RALGAPA1: variants seen among roughly 807,000 people sequenced by gnomAD.
RALGAPA1 encodes the protein ral GTPase-activating protein subunit alpha-1.
In RALGAPA1, 52 loss-of-function variants were observed where a neutral mutation model predicts 269.6. The observed-to-expected ratio is 0.19, with a 90% confidence interval of 0.15 to 0.24. The LOEUF is 0.24. Ranked by LOEUF, RALGAPA1 falls within the 10% of genes least tolerant of loss-of-function variation. RALGAPA1 has a pLI of 1.00. For synonymous variants in RALGAPA1, 817 were observed against 1,008.3 expected (o/e 0.81, Z 3.60); for missense variants, 1,917 against 3,013.9 (o/e 0.64, Z 8.52).
chr14:35,775,711 GA>G lies in RALGAPA1; in HGVS notation c.140del (p.Phe47SerfsTer17). Reference protein sequence around the residue: ...NAESIDLKQFFDQHFSHIYYV... With the variant: ...NAESIDLKQFXDQHFSHIYYV... ...AGTATATATGTGAAAAATGTTGGTC[GA>G]AAAACTGTTTAAGATCAATAGATTC... On this transcript the variant is annotated frameshift_variant, in exon 2 of 42. Coordinates refer to ENST00000680220, the MANE Select transcript of RALGAPA1 (RefSeq NM_001346249.2). LOFTEE classifies it high-confidence loss of function. The G allele has an allele frequency of 6.4e-7, 1 of 1,566,214 alleles. No individual in the cohort carries two copies. The highest frequency in any genetic ancestry group is 2.0e-5 in the Admixed American group (1 of 51,036).
At chr14:35,699,911 A>C (rs981661975) in intron 17 of RALGAPA1, among the ~76,000 whole-genome samples, 2 of 151,852 alleles carry the variant, frequency 1.3e-5, no homozygotes, top group Non-Finnish European at 1.5e-5. Flanking sequence ...AAAAAAAAAA[A>C]AAATTGGCCA....
At chr14:35,661,348 T>C (rs1394865789) in intron 27 of RALGAPA1, among the ~76,000 whole-genome samples, 1 of 152,140 alleles carries the variant, frequency 6.6e-6, no homozygotes, top group Non-Finnish European at 1.5e-5. Flanking sequence ...AAAATATTAG[T>C]TAAAATTATG....
chr14:35,779,369 A>G (rs1042067246), intron 1 of RALGAPA1, among the ~76,000 whole-genome samples: 6 of 151,970 alleles, frequency 3.9e-5, no homozygotes, highest in African/African-American at 7.2e-5. Context: ...CTACAAAACT[A>G]AAAAATCAGC....
Position 35,689,945 on chromosome 14 carries a change from A to C in RALGAPA1, c.2466T>G (p.Ser822Arg). Reference protein sequence around the residue: ...RSTRVRHFSQSEETGNEVFGA... With the variant: ...RSTRVRHFSQREETGNEVFGA... ...CAAAAACTTCATTTCCAGTTTCTTC[A>C]CTTTGTGAAAAATGTCTGACTCTAG... The change falls in exon 18 of 42, where the codon AGT (serine) becomes AGG (arginine). Residue 822 changes from serine (S) to arginine (R), a missense_variant. Physicochemically the swap from Ser to Arg is moderately radical, Grantham distance 110. This residue lies in a region of RALGAPA1 where 125 missense variants were observed against 155.7 expected (regional missense o/e 0.80). Transcript: ENST00000680220. 10 of 1,602,106 alleles carry C rather than the reference A, an allele frequency of 6.2e-6. No homozygotes were observed. The highest frequency in any genetic ancestry group is 8.5e-6 in the Non-Finnish European group (10 of 1,176,276).
At chr14:35,720,310 G>A (rs1478340227) in intron 16 of RALGAPA1, among the ~76,000 whole-genome samples, 1 of 151,876 alleles carries the variant, frequency 6.6e-6, no homozygotes, top group African/African-American at 2.4e-5. Context: ...TCCTTTTAAA[G>A]GATTTTACAT....
chr14:35,540,144 A>G (rs548341354), intron 41 of RALGAPA1, among the ~76,000 whole-genome samples: 2 of 152,288 alleles, frequency 1.3e-5, no homozygotes, highest in East Asian at 3.9e-4. Context: ...CGGGTTTCAA[A>G]AAGGAAGTCA....
intron 16 of RALGAPA1, among the ~76,000 whole-genome samples, chr14:35,717,800 C>T (rs867019641): frequency 6.6e-5 from 10 of 152,102 alleles, no homozygotes; most frequent in Non-Finnish European, 1.3e-4. Flanking sequence ...TCAAGTGATC[C>T]TCCTGCCTTG....
chr14:35,758,437 C>T (rs1303714848), intron 6 of RALGAPA1, among the ~76,000 whole-genome samples: 2 of 152,040 alleles, frequency 1.3e-5, no homozygotes, highest in Non-Finnish European at 2.9e-5. Flanking sequence ...TAGTCTCTGC[C>T]GGGGAGTATA....
At chr14:35,727,572 G>C (rs937713152) in intron 13 of RALGAPA1, among the ~76,000 whole-genome samples, 2 of 151,544 alleles carry the variant, frequency 1.3e-5, no homozygotes, top group Non-Finnish European at 2.9e-5. Context: ...ACTATTTATA[G>C]AGCACCAATG....
At chr14:35,684,102 C>T (rs2065710770) in intron 20 of RALGAPA1, 117 bp from the exon 21 acceptor site, 3 of 711,668 alleles carry the variant, frequency 4.2e-6, no homozygotes, top group South Asian at 4.4e-5. Context: ...ATTCTGTTTA[C>T]ATATCACTCA....
intron 16 of RALGAPA1, 134 bp downstream of exon 16, chr14:35,721,554 A>C: frequency 5.8e-6 from 4 of 689,708 alleles, no homozygotes; most frequent in Non-Finnish European, 9.3e-6. Context: ...TCTGGAAAAA[A>C]GGCTTTGCTA....
At chr14:35,738,294 C>T (rs1340490504) in intron 12 of RALGAPA1, among the ~76,000 whole-genome samples, 1 of 151,304 alleles carries the variant, frequency 6.6e-6, no homozygotes, top group African/African-American at 2.4e-5. Flanking sequence ...TGACAGTACA[C>T]CATAACATAA....
chr14:35,634,104 T>C (rs144732504), intron 33 of RALGAPA1, among the ~76,000 whole-genome samples: 3 of 152,250 alleles, frequency 2.0e-5, no homozygotes, highest in African/African-American at 7.2e-5. Context: ...TTCCATTATA[T>C]ATAAAATATC....
intron 26 of RALGAPA1, among the ~76,000 whole-genome samples, chr14:35,669,178 T>C (rs1009925431): frequency 7.2e-5 from 11 of 152,342 alleles, no homozygotes; most frequent in East Asian, 1.9e-4. Flanking sequence ...AACTCTTACA[T>C]TGCACATATA....
chr14:35,738,293 A>G (rs1410334061), intron 12 of RALGAPA1, among the ~76,000 whole-genome samples: 4 of 152,026 alleles, frequency 2.6e-5, no homozygotes, highest in African/African-American at 7.2e-5. Flanking sequence ...ATGACAGTAC[A>G]CCATAACATA....
intron 16 of RALGAPA1, among the ~76,000 whole-genome samples, chr14:35,715,131 C>A (rs1332801915): frequency 6.6e-6 from 1 of 152,046 alleles, no homozygotes; most frequent in Non-Finnish European, 1.5e-5. Context: ...TTAATAAATT[C>A]TCTGTCATTC....
chr14:35,695,690 T>G (rs533322693), intron 17 of RALGAPA1, among the ~76,000 whole-genome samples: 2 of 152,338 alleles, frequency 1.3e-5, no homozygotes, highest in South Asian at 2.1e-4. Context: ...AAGAAACATT[T>G]GTGGAAGTAT....
At chr14:35,737,578 G>A (rs551541006) in intron 12 of RALGAPA1, among the ~76,000 whole-genome samples, 107 of 151,030 alleles carry the variant, frequency 7.1e-4, no homozygotes, top group Admixed American at 1.6e-3. Context: ...CCAACATGAC[G>A]AAACCCCATC....
intron 1 of RALGAPA1, among the ~76,000 whole-genome samples, chr14:35,779,001 C>T (rs981971075): frequency 5.3e-5 from 8 of 152,102 alleles, no homozygotes; most frequent in Non-Finnish European, 8.8e-5. Flanking sequence ...GAAGTAGAGT[C>T]AGGATTTAAA....
Sources: allele counts gnomAD v4.1 joint callset (sites outside exome capture counted in the v4.1 genomes callset), GRCh38; gene constraint gnomAD v4.1.1; regional missense constraint gnomAD v4.1.1; transcripts MANE v1.5; gene names NCBI Gene and HGNC (gene_info 2026-07-23, HGNC 2026-07-21).